The following NOL9 variants were observed in gnomAD, a reference collection of about 807,000 sequenced individuals.
The protein encoded by NOL9 is polynucleotide 5'-hydroxyl-kinase NOL9.
In NOL9, 28 loss-of-function variants were observed where a neutral mutation model predicts 67.9. The observed-to-expected ratio is 0.41, with a 90% confidence interval of 0.31 to 0.57. The LOEUF is 0.57. Ranked by LOEUF, NOL9 falls within the 20% of genes least tolerant of loss-of-function variation. The pLI, the probability that NOL9 is intolerant of heterozygous loss-of-function variation, is 0.25. For synonymous variants in NOL9, 356 were observed against 352.2 expected, an observed-to-expected ratio of 1.01 and a Z score of -0.12; for missense variants, 777 against 897.0, an observed-to-expected ratio of 0.87 and a Z score of 1.71.
intron 3 of NOL9, chr1:6,548,634 CT>C: frequency 5.9e-6 from 2 of 340,730 alleles, no homozygotes; most frequent in Non-Finnish European, 1.2e-5. Flanking sequence ...AAAATGAAGC[CT>C]TTTTGACTAA....
intron 5 of NOL9, among the ~76,000 whole-genome samples, chr1:6,542,331 T>C (rs935568977): frequency 1.3e-5 from 2 of 150,988 alleles, no homozygotes; most frequent in African/African-American, 4.9e-5. Flanking sequence ...CGGCTAATTT[T>C]TGTATTTTTA....
At chr1:6,538,504 T>C (rs1439480021) in intron 6 of NOL9, among the ~76,000 whole-genome samples, 1 of 151,544 alleles carries the variant, frequency 6.6e-6, no homozygotes, top group Non-Finnish European at 1.5e-5. Context: ...AAACCCCATC[T>C]CTACTAAAAA....
At chr1:6,539,004 A>G (rs905521585) in intron 6 of NOL9, among the ~76,000 whole-genome samples, 3 of 152,148 alleles carry the variant, frequency 2.0e-5, no homozygotes, top group Non-Finnish European at 2.9e-5. Context: ...CACACAAGCA[A>G]TATTCAAGGA....
At chr1:6,541,084 T>C (rs1431767145) in intron 6 of NOL9, 1 of 146,224 alleles carries the variant, frequency 6.8e-6, no homozygotes, top group Non-Finnish European at 1.5e-5. Context: ...TGGAATGATC[T>C]TGGCTCACTG....
intron 6 of NOL9, among the ~76,000 whole-genome samples, chr1:6,538,046 G>A (rs1016600583): frequency 7.0e-6 from 1 of 142,804 alleles, no homozygotes; most frequent in East Asian, 2.0e-4. Context: ...AATTCAGGCT[G>A]AAAAATTTAA....
intron 1 of NOL9, among the ~76,000 whole-genome samples, chr1:6,551,140 C>G (rs1382017737): frequency 1.3e-5 from 2 of 152,088 alleles, no homozygotes; most frequent in African/African-American, 4.8e-5. Context: ...AGTGAGACTT[C>G]TCCTTACAAA....
At chr1:6,535,562 A>G (rs974956495) in intron 6 of NOL9, among the ~76,000 whole-genome samples, 2 of 152,196 alleles carry the variant, frequency 1.3e-5, no homozygotes, top group African/African-American at 4.8e-5. Context: ...GCTTATACAT[A>G]GGGATATTGT....
intron 10 of NOL9, among the ~76,000 whole-genome samples, chr1:6,527,468 G>A (rs1170259845): frequency 1.3e-5 from 2 of 151,834 alleles, no homozygotes; most frequent in African/African-American, 4.8e-5. Context: ...CCAACATGGT[G>A]AAACCCCATC....
In NOL9 at chr1:6,532,356, AG is replaced by A. The variant is rs1570046207; in HGVS notation, c.1535+106del. The A allele has an allele frequency of 8.7e-6, 9 of 1,039,994 alleles. No individual in the cohort carries two copies. The East Asian group carries it at 2.2e-4, about 25-fold the overall frequency. 64.4% of individuals were successfully genotyped at this position (1,039,994 alleles called of 1,614,324 possible). A position where few individuals can be genotyped will look rare whatever the true frequency, so the allele number is the denominator to read the frequency against. Reference sequence around the variant, plus strand: ...GTCTTTGTGCATGCACAGCTGTGACAGGGACCTGAAGATCTTAGAGGACTCA... The same window carrying A: ...GTCTTTGTGCATGCACAGCTGTGACAGGACCTGAAGATCTTAGAGGACTCA... On this transcript the variant is annotated intron_variant, in intron 8 of 11. Transcript: ENST00000377705.
intron 9 of NOL9, 33 bp from the exon 10 acceptor site, chr1:6,529,204 T>C (rs367831156): frequency 2.5e-5 from 40 of 1,590,616 alleles, no homozygotes; most frequent in Non-Finnish European, 3.4e-5. Flanking sequence ...ACTCTATTCA[T>C]GGCTACTTTG....
chr1:6,539,695 C>G (rs10779787), intron 6 of NOL9, among the ~76,000 whole-genome samples: 124,397 of 152,096 alleles, frequency 0.82, 51,742 homozygotes, highest in Non-Finnish European at 0.89. Flanking sequence ...ACCATGCTAC[C>G]CTGGTCTCAA....
intron 5 of NOL9, among the ~76,000 whole-genome samples, chr1:6,542,746 C>T (rs562543603): frequency 1.5e-3 from 228 of 151,740 alleles, no homozygotes; most frequent in African/African-American, 5.4e-3. Context: ...CATGAGCCAC[C>T]GTGCCCAGCT....
At chr1:6,545,700 G>C (rs1639405397) in intron 3 of NOL9, among the ~76,000 whole-genome samples, 1 of 90,808 alleles carries the variant, frequency 1.1e-5, no homozygotes, top group Non-Finnish European at 2.6e-5. Context: ...GAGGATGAAG[G>C]AAGGGCCCCG....
At chr1:6,527,266 A>G (rs1397632459) in intron 10 of NOL9, among the ~76,000 whole-genome samples, 1 of 9,508 alleles carries the variant, frequency 1.1e-4, no homozygotes, top group Non-Finnish European at 1.1e-3. Flanking sequence ...AAAAATACAA[A>G]GAGTCAAGAG....
intron 3 of NOL9, chr1:6,549,348 C>T (rs1328418741): frequency 1.1e-5 from 5 of 441,780 alleles, no homozygotes; most frequent in South Asian, 6.5e-5. Flanking sequence ...TAACCAACTA[C>T]GATATAAAAT....
chr1:6,554,414 C>A lies in NOL9; in HGVS notation c.89G>T (p.Ser30Ile). The A allele has an allele frequency of 6.6e-7, 1 of 1,520,210 alleles. No individual in the cohort carries two copies. The highest frequency in any genetic ancestry group is 8.7e-7 in the Non-Finnish European group (1 of 1,148,204). The allele number at this position is 1,520,210 out of a possible 1,614,324, so 94.2% of individuals were successfully genotyped here. A position where few individuals can be genotyped will look rare whatever the true frequency, so the allele number is the denominator to read the frequency against. The change falls in exon 1 of 12, where the codon AGC becomes ATC. Residue 30 changes from serine (S) to isoleucine (I), a missense_variant. Ser to Ile is a moderately radical substitution (Grantham distance 142, BLOSUM62 -2). Coordinates refer to ENST00000377705, the MANE Select transcript of NOL9 (RefSeq NM_024654.5). ...VRKARPQLIL[S>I]RRPRRRLGSL... ...CCCGAGCCGGCGGCGGGGCCGGCGGCTGAGGATGAGCTGGGGCCGGGCCTT... is the reference window on the plus strand; with the variant it reads ...CCCGAGCCGGCGGCGGGGCCGGCGGATGAGGATGAGCTGGGGCCGGGCCTT...
rs1328093049 is a variant in NOL9 at position 6,528,976 on chromosome 1, T to C, written c.1825+18A>G. 6.2e-7 allele frequency: 1 copy of C among 1,612,788 alleles called. No individual in the cohort carries two copies. Among genetic ancestry groups the C allele is most frequent in the Non-Finnish European group, 8.5e-7 (1 of 1,179,156 alleles). ...CCTTTTCAGTAGGTTTATGGATATG[T>C]TTTACTCTCAGACTCACCAAAGCCC... On this transcript the variant is annotated intron_variant, in intron 10 of 11. Coordinates refer to ENST00000377705, the MANE Select transcript of NOL9 (RefSeq NM_024654.5).
chr1:6,543,309 C>A (rs1256131161), intron 5 of NOL9, among the ~76,000 whole-genome samples: 1 of 152,040 alleles, frequency 6.6e-6, no homozygotes, highest in African/African-American at 2.4e-5. Flanking sequence ...CATTCTCCTG[C>A]CTCAGCCTCC....
chr1:6,536,332 C>T (rs962068938), intron 6 of NOL9, among the ~76,000 whole-genome samples: 2 of 149,670 alleles, frequency 1.3e-5, no homozygotes, highest in African/African-American at 4.9e-5. Context: ...GGTGACAGAG[C>T]GAGACTCCGT....
Sources: allele counts gnomAD v4.1 joint callset (sites outside exome capture counted in the v4.1 genomes callset), GRCh38; gene constraint gnomAD v4.1.1; transcripts MANE v1.5; gene names NCBI Gene and HGNC (gene_info 2026-07-23, HGNC 2026-07-21).